ERI1: variants seen among roughly 807,000 people sequenced by gnomAD.
The protein encoded by ERI1 is exoribonuclease 1.
A neutral mutation model predicts 39.7 loss-of-function variants in ERI1; 39 were observed. The observed-to-expected ratio is 0.98, with a 90% confidence interval of 0.76 to 1.28. The LOEUF (loss-of-function observed/expected upper bound fraction) is 1.28, where lower values mean the gene tolerates loss of function less well. ERI1 is among the 50% of genes most tolerant of loss of function. The pLI, the probability that ERI1 is intolerant of heterozygous loss-of-function variation, is 0.00. For missense variants in ERI1, 581 were observed against 416.9 expected, an observed-to-expected ratio of 1.39 and a Z score of -3.43; for synonymous variants, 204 against 149.6, an observed-to-expected ratio of 1.36 and a Z score of -2.65.
At chr8:9,022,278 T>G (rs1394676328) in intron 6 of ERI1, among the ~76,000 whole-genome samples, 56 of 152,150 alleles carry the variant, frequency 3.7e-4, no homozygotes, top group Non-Finnish European at 1.5e-5. Flanking sequence ...CTGACTGTTT[T>G]AAAAAAAATT....
In ERI1 at chr8:9,030,278, C is replaced by A; in HGVS notation, c.*244C>A. The stretch of plus-strand genomic sequence containing the variant: ...ACATAGTAACAGTTCCTGCTTACAA[C>A]TGAATTTTATAATTTAAGGTGTTCA... On this transcript the variant is annotated 3_prime_UTR_variant, in exon 7 of 7. Transcript: ENST00000250263. 1 of 491,882 alleles carries A rather than the reference C, an allele frequency of 2.0e-6. No homozygotes were observed. The highest frequency in any genetic ancestry group is 3.6e-6 in the Non-Finnish European group (1 of 277,694). 30.5% of individuals were successfully genotyped at this position (491,882 alleles called of 1,614,324 possible).
chr8:9,095,269 T>C lies in ERI1; in HGVS notation n.300-21079T>C, dbSNP rs182884693. On this transcript the variant is annotated intron_variant and non_coding_transcript_variant, in intron 3 of 3. Coordinates refer to the ERI1 transcript ENST00000518663. ...TGTATTGGGTGATGCTGGGGTTCTG[T>C]TGAATAGATTGGGTTTGTATTAAAC... 3.9e-5 allele frequency among the ~76,000 whole-genome samples: 6 copies of C among 152,340 alleles called. No individual in the cohort carries two copies. The East Asian group carries it at 1.2e-3, about 29-fold the overall frequency.
At chr8:9,060,788 C>T (rs1291686203) in intron 3 of ERI1, among the ~76,000 whole-genome samples, 2 of 152,170 alleles carry the variant, frequency 1.3e-5, no homozygotes, top group East Asian at 3.9e-4. Flanking sequence ...CTTGTCTAGC[C>T]ACCTTATCAG....
chr8:9,016,278 T>C, intron 3 of ERI1, 44 bp from the exon 4 acceptor site: 1 of 1,283,064 alleles, frequency 7.8e-7, no homozygotes, highest in African/African-American at 1.5e-5. Flanking sequence ...ATCGTGTATC[T>C]TAACTCATAT....
intron 2 of ERI1, among the ~76,000 whole-genome samples, chr8:9,011,020 T>G (rs535718386): frequency 1.7e-4 from 26 of 152,218 alleles, no homozygotes; most frequent in Non-Finnish European, 2.2e-4. Context: ...CACCTTTATA[T>G]GCTAGGCTCA....
At chr8:9,011,333 G>A (rs1816646224) in intron 2 of ERI1, among the ~76,000 whole-genome samples, 1 of 152,122 alleles carries the variant, frequency 6.6e-6, no homozygotes, top group African/African-American at 2.4e-5. Flanking sequence ...GACTTGTGAA[G>A]GAAAATGTTA....
In ERI1 at chr8:9,030,657, A is replaced by G. The variant is rs956526835; in HGVS notation, c.*623A>G. 3 of 152,432 alleles carry G rather than the reference A, an allele frequency of 2.0e-5. No homozygotes were observed. Among genetic ancestry groups the G allele is most frequent in the Non-Finnish European group, 4.4e-5 (3 of 68,198 alleles). 9.4% of individuals were successfully genotyped at this position (152,432 alleles called of 1,614,324 possible). ...AATCCAGTTACTGAAGGAATTAATG[A>G]AAACGTAGAAGAAAGTACTAAAAGG... On this transcript the variant is annotated 3_prime_UTR_variant, in exon 7 of 7. Coordinates refer to ENST00000250263, the MANE Select transcript of ERI1 (RefSeq NM_153332.4).
chr8:9,020,474 C>T lies in ERI1; in HGVS notation c.807+10C>T, dbSNP rs368664160. ...TGGAAATTTTTACAAGGTAAAATTT[C>T]TATATTTAATAATTACGTGGTTCTT... On this transcript the variant is annotated intron_variant, in intron 6 of 6. Coordinates refer to ENST00000250263, the MANE Select transcript of ERI1 (RefSeq NM_153332.4). The T allele has an allele frequency of 6.7e-7, 1 of 1,493,946 alleles. No individual in the cohort carries two copies. The highest frequency in any genetic ancestry group is 9.2e-7 in the Non-Finnish European group (1 of 1,087,846). The allele number at this position is 1,493,946 out of a possible 1,614,324, so 92.5% of individuals were successfully genotyped here. A position where few individuals can be genotyped will look rare whatever the true frequency, so the allele number is the denominator to read the frequency against.
chr8:9,089,334 G>A lies in ERI1; in HGVS notation n.300-27014G>A, dbSNP rs139352745. Among the ~76,000 whole-genome samples, 320 of 152,262 alleles carry A rather than the reference G, an allele frequency of 2.1e-3. 1 individual carries two copies. The highest frequency in any genetic ancestry group is 6.9e-3 in the African/African-American group (288 of 41,548). On this transcript the variant is annotated intron_variant and non_coding_transcript_variant, in intron 3 of 3. Transcript: ENST00000518663. ...TGCCCAGGCTGGTCTTGAACTACTG[G>A]CTTCAAGTGGGCTTCCTGCCTTGGC...
intron 3 of ERI1, among the ~76,000 whole-genome samples, chr8:9,046,316 G>T (rs147415340): frequency 6.6e-6 from 1 of 152,266 alleles, no homozygotes; most frequent in African/African-American, 2.4e-5. Flanking sequence ...TTGCAGCCTG[G>T]CAGTAAAAGC....
chr8:9,037,601 ATAAT>A (rs1797892644), downstream of ERI1, among the ~76,000 whole-genome samples: 1 of 152,146 alleles, frequency 6.6e-6, no homozygotes, highest in African/African-American at 2.4e-5. Context: ...TTAGTTAAAA[ATAAT>A]TAGTGATGGT....
At chr8:9,003,554 C>A (rs945945974) in intron 1 of ERI1, among the ~76,000 whole-genome samples, 1 of 152,236 alleles carries the variant, frequency 6.6e-6, no homozygotes, top group African/African-American at 2.4e-5. Flanking sequence ...TATGTCACTT[C>A]ATGCCTGTTT....
rs556702690 is a variant in ERI1, at chr8:9,007,935, CTTTTTTTT to C, written c.109-13_109-6del. Reference sequence around the variant, plus strand: ...GTTTGTACTAATTATAAACTACATCCTTTTTTTTTTTTTTTTTTTTTTTTTTTTTGGTA... The same window carrying C: ...GTTTGTACTAATTATAAACTACATCCTTTTTTTTTTTTTTTTTTTTTGGTA... On this transcript the variant is annotated intron_variant, in intron 1 of 6. Coordinates refer to ENST00000250263, the MANE Select transcript of ERI1 (RefSeq NM_153332.4). 3,380 of 965,982 alleles carry C rather than the reference CTTTTTTTT, an allele frequency of 3.5e-3. 3 individuals are homozygous for C. Among genetic ancestry groups the C allele is most frequent in the African/African-American group, 0.024 (841 of 35,110 alleles). The allele number at this position is 965,982 out of a possible 1,614,324, so 59.8% of individuals were successfully genotyped here.
Position 9,008,163 on chromosome 8 carries a change from C to A in ERI1, c.287+15C>A. ...CTTGAAACTAGGTAATTAAAAATAA[C>A]TTATAAAATTATAAAAGTAGTACAT... On this transcript the variant is annotated intron_variant, in intron 2 of 6. Transcript: ENST00000250263. The A allele has an allele frequency of 6.5e-7, 1 of 1,535,340 alleles. No individual in the cohort carries two copies. Among genetic ancestry groups the A allele is most frequent in the Non-Finnish European group, 8.8e-7 (1 of 1,142,012 alleles).
chr8:9,007,587 A>C (rs552120135), intron 1 of ERI1, among the ~76,000 whole-genome samples: 42 of 152,330 alleles, frequency 2.8e-4, no homozygotes, highest in South Asian at 1.9e-3. Flanking sequence ...TACCATTACC[A>C]AATTACCATT....
intron 3 of ERI1, among the ~76,000 whole-genome samples, chr8:9,070,509 A>G (rs974280883): frequency 6.6e-6 from 1 of 152,176 alleles, no homozygotes; most frequent in East Asian, 1.9e-4. Context: ...AAAGGACTCT[A>G]AAGATACCTA....
intron 3 of ERI1, among the ~76,000 whole-genome samples, chr8:9,044,273 G>A (rs926809824): frequency 6.6e-6 from 1 of 152,188 alleles, no homozygotes; most frequent in African/African-American, 2.4e-5. Context: ...AGGGCAACAA[G>A]TCTAGAGCTC....
At position 9,084,599 on chromosome 8, in the gene ERI1, G is replaced by A. The variant is rs539795187; in HGVS notation, n.300-31749G>A. Among the ~76,000 whole-genome samples, 52 of 152,294 alleles carry A rather than the reference G, an allele frequency of 3.4e-4. No individual in the cohort carries two copies. The South Asian group carries it at 0.011, about 31-fold the overall frequency. ...CTGCAAGATTTTGACTAGGACTCGG[G>A]CTTGGAGGAAGCGGGAGGGGTTGGG... On this transcript the variant is annotated intron_variant and non_coding_transcript_variant, in intron 3 of 3. Transcript: ENST00000518663.
intron 1 of ERI1, among the ~76,000 whole-genome samples, chr8:9,003,587 A>G (rs1340459352): frequency 1.3e-5 from 2 of 152,180 alleles, no homozygotes; most frequent in East Asian, 3.8e-4. Flanking sequence ...AAAATTTAAA[A>G]AGCACTCACC....
Sources: gnomAD v4.1 joint callset for allele counts (sites outside exome capture counted in the v4.1 genomes callset) on GRCh38, gnomAD v4.1.1 for gene constraint, MANE v1.5 for transcripts, NCBI Gene and HGNC (gene_info 2026-07-23, HGNC 2026-07-21) for gene names.